The following EIF4ENIF1 variants were observed in gnomAD, a reference collection of about 807,000 sequenced individuals.
EIF4ENIF1 encodes eukaryotic translation initiation factor 4E transporter.
EIF4ENIF1 carries 23 observed loss-of-function variants against 110.5 expected under a neutral mutation model. The observed-to-expected ratio is 0.21, with a 90% CI of 0.15 to 0.29. The LOEUF (loss-of-function observed/expected upper bound fraction) is 0.29, where lower values mean the gene tolerates loss of function less well. Ranked by LOEUF, EIF4ENIF1 falls within the 10% of genes least tolerant of loss-of-function variation. The pLI is 1.00. For synonymous variants in EIF4ENIF1, 440 were observed against 437.0 expected, an observed-to-expected ratio of 1.01 and a Z score of -0.09; for missense variants, 1,031 against 1,221.1, an observed-to-expected ratio of 0.84 and a Z score of 2.32.
chr22:31,482,343 A>T (rs537681271), intron 2 of EIF4ENIF1, among the ~76,000 whole-genome samples: 1 of 152,288 alleles, frequency 6.6e-6, no homozygotes, highest in African/African-American at 2.4e-5. Context: ...GTGGCAAAAC[A>T]CAGGAGCAAA....
intron 7 of EIF4ENIF1, among the ~76,000 whole-genome samples, chr22:31,456,279 A>C (rs1439598298): frequency 1.4e-5 from 2 of 143,796 alleles, no homozygotes; most frequent in African/African-American, 2.6e-5. Context: ...GCTGGAGTGC[A>C]GTGGCACGAT....
chr22:31,468,361 G>A lies in EIF4ENIF1; in HGVS notation c.171-59C>T, dbSNP rs2051259952. 23 of 1,603,664 alleles carry A rather than the reference G, an allele frequency of 1.4e-5. 1 individual carries two copies. In the South Asian group the frequency reaches 2.3e-4, roughly 16 times the overall value. On this transcript the variant is annotated intron_variant, in intron 3 of 18. Coordinates refer to ENST00000330125, the MANE Select transcript of EIF4ENIF1 (RefSeq NM_019843.4). ...CGCCCATGAACCATATAGGCAGTGT[G>A]ATTTCTAAACCTCCTCAGCTAATAG...
intron 15 of EIF4ENIF1, 160 bp from the exon 16 acceptor site, chr22:31,443,254 T>C (rs1569064070): frequency 2.0e-6 from 2 of 1,015,136 alleles, no homozygotes; most frequent in African/African-American, 1.6e-5. Context: ...AAAAACAGAA[T>C]GGGGCAAATA....
chr22:31,478,949 CAAAAAAAAAAA>C (rs377466384), intron 2 of EIF4ENIF1, among the ~76,000 whole-genome samples: 2 of 89,246 alleles, frequency 2.2e-5, no homozygotes, highest in African/African-American at 9.1e-5. Flanking sequence ...GAGACTGTTT[CAAAAAAAAAAA>C]AAAAAAAAGT....
intron 2 of EIF4ENIF1, among the ~76,000 whole-genome samples, chr22:31,487,831 G>C (rs2052102645): frequency 2.6e-5 from 4 of 151,064 alleles, no homozygotes; most frequent in Admixed American, 1.3e-4. Context: ...CCATACTAAG[G>C]AAATATATGG....
intron 14 of EIF4ENIF1, 23 bp from the exon 15 acceptor site, chr22:31,444,713 C>T (rs2050407438): frequency 1.9e-6 from 3 of 1,610,922 alleles, no homozygotes; most frequent in Admixed American, 3.3e-5. Flanking sequence ...CAATTATCAG[C>T]ATGAACCCCA....
chr22:31,464,593 G>A (rs544600771), intron 4 of EIF4ENIF1, among the ~76,000 whole-genome samples: 151 of 142,220 alleles, frequency 1.1e-3, no homozygotes, highest in Non-Finnish European at 1.7e-3. Flanking sequence ...CAGGAGAATC[G>A]CTTGAACCTG....
chr22:31,463,545 G>A (rs2051066841), intron 5 of EIF4ENIF1, 136 bp downstream of exon 5: 2 of 845,360 alleles, frequency 2.4e-6, no homozygotes, highest in Non-Finnish European at 1.8e-6. Flanking sequence ...AGCCGGGTAT[G>A]GTGGTGCGTG....
At chr22:31,443,162 A>C in intron 15 of EIF4ENIF1, 68 bp from the exon 16 acceptor site, 3 of 1,580,516 alleles carry the variant, frequency 1.9e-6, no homozygotes, top group Non-Finnish European at 2.6e-6. Context: ...AGCCAGGATT[A>C]ACTTGTCAAG....
chr22:31,455,357 G>A, intron 8 of EIF4ENIF1, 42 bp from the exon 9 acceptor site: 1 of 1,305,906 alleles, frequency 7.7e-7, no homozygotes, highest in Non-Finnish European at 1.0e-6. Flanking sequence ...ATCTGTTCCA[G>A]TAAAGAAACA....
At chr22:31,447,661 A>G in intron 13 of EIF4ENIF1, 96 bp from the exon 14 acceptor site, 1 of 1,388,202 alleles carries the variant, frequency 7.2e-7, no homozygotes, top group Non-Finnish European at 9.6e-7. Context: ...TGTTAAGCAG[A>G]AGCTGAAAAA....
At chr22:31,482,663 C>A (rs2051861612) in intron 2 of EIF4ENIF1, among the ~76,000 whole-genome samples, 1 of 147,974 alleles carries the variant, frequency 6.8e-6, no homozygotes, top group Non-Finnish European at 1.5e-5. Context: ...GCCTGGGTGA[C>A]AGAGTGAGAC....
intron 4 of EIF4ENIF1, among the ~76,000 whole-genome samples, chr22:31,466,451 G>A (rs774216673): frequency 2.0e-5 from 3 of 151,290 alleles, no homozygotes; most frequent in African/African-American, 7.3e-5. Flanking sequence ...ACGGTGGAAC[G>A]TGTATGTGTA....
intron 2 of EIF4ENIF1, among the ~76,000 whole-genome samples, chr22:31,486,751 A>C (rs1234610469): frequency 6.6e-6 from 1 of 151,988 alleles, no homozygotes; most frequent in African/African-American, 2.4e-5. Flanking sequence ...CACTCTGGTG[A>C]TAGAGCGAGA....
At chr22:31,470,455 A>AT (rs1441422013) in intron 3 of EIF4ENIF1, among the ~76,000 whole-genome samples, 3 of 151,592 alleles carry the variant, frequency 2.0e-5, no homozygotes, top group Non-Finnish European at 4.4e-5. Context: ...TAATTTTTGT[A>AT]TTTTTAGTAG....
At position 31,454,325 on chromosome 22, in the gene EIF4ENIF1, C is replaced by G. The variant is rs2050755025; in HGVS notation, c.1331G>C (p.Gly444Ala). 1 of 1,614,006 alleles carries G rather than the reference C, an allele frequency of 6.2e-7. No individual in the cohort carries two copies. The highest frequency in any genetic ancestry group is 1.3e-5 in the African/African-American group (1 of 74,902). The change falls in exon 10 of 19, where the codon GGC (glycine) becomes GCC (alanine). Residue 444 changes from glycine (G) to alanine (A), a missense_variant. Physicochemically the swap from Gly to Ala is moderately conservative, Grantham distance 60. This residue lies in a region of EIF4ENIF1 where 704 missense variants were observed against 879.7 expected (regional missense o/e 0.80). Transcript: ENST00000330125. Reference sequence around the variant, plus strand: ...CTTCACTTGCTGGTCAACCTTCAAGCCCTTCAGACCTGCTTCTACCTCCTC... The same window carrying G: ...CTTCACTTGCTGGTCAACCTTCAAGGCCTTCAGACCTGCTTCTACCTCCTC... ...SVEEVEAGLK[G>A]LKVDQQVKNS...
intron 7 of EIF4ENIF1, among the ~76,000 whole-genome samples, chr22:31,458,015 G>A (rs1405719806): frequency 6.6e-6 from 1 of 152,100 alleles, no homozygotes; most frequent in Non-Finnish European, 1.5e-5. Flanking sequence ...GGATCACAAG[G>A]TCAGGAGTTC....
chr22:31,458,767 T>C, intron 6 of EIF4ENIF1, 117 bp from the exon 7 acceptor site: 2 of 913,950 alleles, frequency 2.2e-6, no homozygotes, highest in South Asian at 5.1e-5. Flanking sequence ...AAAGCAGACT[T>C]CTCGTGCAGG....
intron 3 of EIF4ENIF1, among the ~76,000 whole-genome samples, chr22:31,468,560 A>G (rs183205871): frequency 6.6e-6 from 1 of 152,202 alleles, no homozygotes; most frequent in Admixed American, 6.5e-5. Context: ...ACATCTTGCT[A>G]ATTTTTGTAT....
Sources: gnomAD v4.1 joint callset for allele counts (sites outside exome capture counted in the v4.1 genomes callset) on GRCh38, gnomAD v4.1.1 for gene constraint, gnomAD v4.1.1 regional missense constraint, MANE v1.5 for transcripts, NCBI Gene and HGNC (gene_info 2026-07-23, HGNC 2026-07-21) for gene names.